DDX10: variants seen among roughly 807,000 people sequenced by gnomAD.
DDX10 encodes the protein DEAD-box helicase 10.
Under a neutral mutation model 104.3 loss-of-function variants are expected in DDX10, and 74 were observed. The ratio of observed to expected loss-of-function variants is 0.71; its 90% CI spans 0.59 to 0.86. DDX10 has a LOEUF of 0.86. Among genes scored for constraint, DDX10 ranks in the 40% least tolerant of loss-of-function variants. DDX10 has a pLI of 0.00. For synonymous variants in DDX10, 351 were observed against 353.4 expected, an observed-to-expected ratio of 0.99 and a Z score of 0.08; for missense variants, 952 against 1,040.0, an observed-to-expected ratio of 0.92 and a Z score of 1.16.
chr11:108,869,034 T>A (rs1000693233), intron 16 of DDX10, among the ~76,000 whole-genome samples: 6 of 151,872 alleles, frequency 4.0e-5, no homozygotes, highest in African/African-American at 1.4e-4. Context: ...ACTCTCCTTT[T>A]TGAAAGTCTG....
intron 10 of DDX10, among the ~76,000 whole-genome samples, chr11:108,715,660 T>A (rs994515217): frequency 1.3e-5 from 2 of 152,262 alleles, no homozygotes; most frequent in Admixed American, 6.5e-5. Flanking sequence ...ATGGGATGTT[T>A]GGAGAAAGTG....
intron 15 of DDX10, among the ~76,000 whole-genome samples, chr11:108,841,800 C>T (rs1862642535): frequency 1.3e-5 from 2 of 152,138 alleles, no homozygotes; most frequent in African/African-American, 4.8e-5. Flanking sequence ...ATCCCAAGCT[C>T]TCCATTTCAA....
chr11:108,877,649 T>C, intron 16 of DDX10, among the ~76,000 whole-genome samples: 1 of 152,222 alleles, frequency 6.6e-6, no homozygotes. Context: ...TTACACTGTC[T>C]ACATTTGATA....
At chr11:108,795,033 G>A (rs1861921432) in intron 13 of DDX10, among the ~76,000 whole-genome samples, 1 of 152,100 alleles carries the variant, frequency 6.6e-6, no homozygotes. Context: ...TCACCATGTT[G>A]GTCAGGCTGG....
At chr11:108,863,371 T>C (rs775214031) in intron 16 of DDX10, among the ~76,000 whole-genome samples, 7 of 152,228 alleles carry the variant, frequency 4.6e-5, no homozygotes, top group Non-Finnish European at 1.0e-4. Flanking sequence ...CTATCATTTA[T>C]CTTCTTTGGA....
Position 108,719,814 on chromosome 11 carries a change from A to G in DDX10, c.1428A>G (p.Val476=). Residue 476 remains valine (V), a synonymous_variant, in exon 12 of 18, where the codon GTA becomes GTG. Transcript: ENST00000322536. ...ERAQRCFVSY[V]RSVYLMKDKE... is the part of the protein sequence containing the mutation. Reference sequence around the variant, plus strand: ...ATTTACAGTGTTTCGTCTCCTATGTACGATCTGTATATCTGATGAAGGATA... The same window carrying G: ...ATTTACAGTGTTTCGTCTCCTATGTGCGATCTGTATATCTGATGAAGGATA... 1 of 1,604,098 alleles carries G rather than the reference A, an allele frequency of 6.2e-7. No homozygotes were observed. Among genetic ancestry groups the G allele is most frequent in the Non-Finnish European group, 8.5e-7 (1 of 1,171,132 alleles).
At chr11:108,774,293 A>G (rs958275498) in intron 13 of DDX10, among the ~76,000 whole-genome samples, 2 of 152,254 alleles carry the variant, frequency 1.3e-5, no homozygotes, top group African/African-American at 4.8e-5. Flanking sequence ...TGCCCTTTGC[A>G]GGCACTTAGG....
chr11:108,827,507 T>G (rs998391841), intron 13 of DDX10, among the ~76,000 whole-genome samples: 2 of 152,238 alleles, frequency 1.3e-5, no homozygotes, highest in African/African-American at 4.8e-5. Flanking sequence ...TTTACTATAG[T>G]GTGCTTTCTA....
At chr11:108,929,785 CAATTT>C (rs1346808240) in intron 17 of DDX10, 4 of 152,124 alleles carry the variant, frequency 2.6e-5, no homozygotes, top group African/African-American at 7.2e-5. Flanking sequence ...TTTTTATGCT[CAATTT>C]AATTAAGTTA....
At chr11:108,793,993 C>T (rs1237651780) in intron 13 of DDX10, among the ~76,000 whole-genome samples, 11 of 152,044 alleles carry the variant, frequency 7.2e-5, no homozygotes. Context: ...CACGTTTCTG[C>T]AAATGACATG....
chr11:108,840,570 A>G (rs1031248497), intron 14 of DDX10, among the ~76,000 whole-genome samples: 2 of 152,196 alleles, frequency 1.3e-5, no homozygotes, highest in African/African-American at 4.8e-5. Flanking sequence ...AAGCCAGGAC[A>G]TTTAGACAGG....
At chr11:108,849,338 C>G (rs997249853) in intron 15 of DDX10, among the ~76,000 whole-genome samples, 2 of 152,044 alleles carry the variant, frequency 1.3e-5, no homozygotes, top group African/African-American at 4.8e-5. Context: ...GACACAGTTG[C>G]CTGAGAATCA....
chr11:108,683,194 T>G (rs2094237989), intron 6 of DDX10, among the ~76,000 whole-genome samples: 1 of 152,206 alleles, frequency 6.6e-6, no homozygotes, highest in African/African-American at 2.4e-5. Flanking sequence ...CTCGTAGCAT[T>G]GTGACCCTGC....
intron 16 of DDX10, among the ~76,000 whole-genome samples, chr11:108,904,342 G>C (rs1201734687): frequency 6.6e-6 from 1 of 152,116 alleles, no homozygotes; most frequent in Non-Finnish European, 1.5e-5. Flanking sequence ...AAGATACTCT[G>C]TCATGGTTTG....
intron 16 of DDX10, among the ~76,000 whole-genome samples, chr11:108,907,971 G>T (rs2134654863): frequency 6.6e-6 from 1 of 152,274 alleles, no homozygotes; most frequent in African/African-American, 2.4e-5. Context: ...TCATGGTGTG[G>T]GAACCATAAT....
At chr11:108,872,275 T>G (rs1863092856) in intron 16 of DDX10, among the ~76,000 whole-genome samples, 1 of 152,228 alleles carries the variant, frequency 6.6e-6, no homozygotes, top group South Asian at 2.1e-4. Context: ...TAATTTTCCA[T>G]TAAGTCGTTA....
chr11:108,911,782 G>T (rs1028360760), intron 16 of DDX10, among the ~76,000 whole-genome samples: 1 of 151,690 alleles, frequency 6.6e-6, no homozygotes, highest in Non-Finnish European at 1.5e-5. Flanking sequence ...GACTGATCTC[G>T]AACTTCTGAG....
intron 13 of DDX10, among the ~76,000 whole-genome samples, chr11:108,771,234 G>C (rs911234455): frequency 1.3e-5 from 2 of 151,964 alleles, no homozygotes; most frequent in African/African-American, 2.4e-5. Context: ...TTTCAGCTCC[G>C]TCTATATTCT....
In DDX10 at chr11:108,906,026, A is replaced by G. The variant is rs947067671; in HGVS notation, c.2305-11847A>G. 5.3e-5 allele frequency among the ~76,000 whole-genome samples: 8 copies of G among 152,318 alleles called. No homozygotes were observed. In the East Asian group the frequency reaches 1.5e-3, roughly 29 times the overall value. Reference sequence around the variant, plus strand: ...TCCACCTCCAGCATTGGGGATTACAATTCAACATGAGGTTTGAGTGGGGAC... The same window carrying G: ...TCCACCTCCAGCATTGGGGATTACAGTTCAACATGAGGTTTGAGTGGGGAC... On this transcript the variant is annotated intron_variant, in intron 16 of 17. Coordinates refer to ENST00000322536, the MANE Select transcript of DDX10 (RefSeq NM_004398.4).
Sources: gnomAD v4.1 joint callset for allele counts (sites outside exome capture counted in the v4.1 genomes callset) on GRCh38, gnomAD v4.1.1 for gene constraint, MANE v1.5 for transcripts, NCBI Gene and HGNC (gene_info 2026-07-23, HGNC 2026-07-21) for gene names.